Variants in KHDRBS2 observed in about 807,000 individuals in gnomAD.
KHDRBS2 encodes the protein KH RNA binding domain containing, signal transduction associated 2, also known as KH domain-containing, RNA-binding, signal transduction-associated protein 2.
A neutral mutation model predicts 44.3 loss-of-function variants in KHDRBS2; 26 were observed. The ratio of observed to expected loss-of-function variants is 0.59; its 90% CI spans 0.43 to 0.81. KHDRBS2 has a LOEUF of 0.81. Ranked by LOEUF, KHDRBS2 falls within the 40% of genes least tolerant of loss-of-function variation. The pLI is 0.00. For missense variants in KHDRBS2, 476 were observed against 433.1 expected, an observed-to-expected ratio of 1.10 and a Z score of -0.88; for synonymous variants, 194 against 151.1, an observed-to-expected ratio of 1.28 and a Z score of -2.08.
chr6:61,726,306 A>G (rs1385098574), intron 7 of KHDRBS2, among the ~76,000 whole-genome samples: 1 of 152,206 alleles, frequency 6.6e-6, no homozygotes, highest in Non-Finnish European at 1.5e-5. Context: ...ACAAACTCAC[A>G]GCTAATATCA....
chr6:62,081,803 T>C (rs1168909376), intron 2 of KHDRBS2, among the ~76,000 whole-genome samples: 1 of 152,084 alleles, frequency 6.6e-6, no homozygotes, highest in Non-Finnish European at 1.5e-5. Context: ...TTGTTAAAAT[T>C]TTTTAGATGT....
At chr6:61,959,060 T>C (rs1768047642) in intron 4 of KHDRBS2, among the ~76,000 whole-genome samples, 1 of 152,310 alleles carries the variant, frequency 6.6e-6, no homozygotes, top group South Asian at 2.1e-4. Flanking sequence ...TGTTTTTGTG[T>C]TTGCCTAGTT....
chr6:61,890,492 A>C (rs1298213287), intron 6 of KHDRBS2, among the ~76,000 whole-genome samples: 2 of 152,250 alleles, frequency 1.3e-5, no homozygotes, highest in Non-Finnish European at 2.9e-5. Context: ...TCTCTTTCAC[A>C]GTCCCAAACA....
At chr6:61,810,846 A>G (rs2127592589) in intron 6 of KHDRBS2, among the ~76,000 whole-genome samples, 1 of 152,274 alleles carries the variant, frequency 6.6e-6, no homozygotes, top group South Asian at 2.1e-4. Flanking sequence ...GGTACAAAGG[A>G]AAGGGAGATT....
At chr6:61,573,830 G>C in the KHDRBS2 span, among the ~76,000 whole-genome samples, 1 of 150,866 alleles carries the variant, frequency 6.6e-6, no homozygotes, top group Non-Finnish European at 1.5e-5. Context: ...AGCCTGCATA[G>C]CCAAAGCAAG....
intron 4 of KHDRBS2, 119 bp from the exon 5 acceptor site, chr6:61,901,490 T>C: frequency 1.3e-6 from 1 of 741,174 alleles, no homozygotes; most frequent in South Asian, 2.0e-5. Context: ...ATTTGTTTCC[T>C]GGAACTTTAT....
chr6:61,717,375 T>C (rs958773118), intron 7 of KHDRBS2, among the ~76,000 whole-genome samples: 1 of 152,026 alleles, frequency 6.6e-6, no homozygotes, highest in African/African-American at 2.4e-5. Flanking sequence ...ACAGTGTTTA[T>C]TGAGAGCTGA....
intron 3 of KHDRBS2, among the ~76,000 whole-genome samples, chr6:62,022,752 C>A (rs1265591219): frequency 6.6e-6 from 1 of 151,664 alleles, no homozygotes; most frequent in Admixed American, 6.6e-5. Flanking sequence ...TTTCTGAATT[C>A]TCATTTCATC....
At chr6:62,186,647 T>C (rs1428926445) in intron 1 of KHDRBS2, among the ~76,000 whole-genome samples, 1 of 151,858 alleles carries the variant, frequency 6.6e-6, no homozygotes, top group Non-Finnish European at 1.5e-5. Context: ...AAGAATAGGG[T>C]GTGGTATAAA....
At chr6:61,768,190 T>TGGACTTTTCAGTG (rs1161975415) in intron 6 of KHDRBS2, among the ~76,000 whole-genome samples, 2 of 152,164 alleles carry the variant, frequency 1.3e-5, no homozygotes, top group Admixed American at 1.3e-4. Context: ...AGGTTTCCAC[T>TGGACTTTTCAGTG]GAAAAGTCCA....
chr6:61,702,023 T>A (rs1699635804), intron 7 of KHDRBS2, among the ~76,000 whole-genome samples: 1 of 151,946 alleles, frequency 6.6e-6, no homozygotes, highest in African/African-American at 2.4e-5. Flanking sequence ...AAACTTAGAT[T>A]TTCTTTGTTG....
chr6:61,769,614 C>T (rs533155448), intron 6 of KHDRBS2, among the ~76,000 whole-genome samples: 21 of 141,240 alleles, frequency 1.5e-4, no homozygotes, highest in African/African-American at 2.9e-4. Flanking sequence ...AACTGCAAGG[C>T]GGCAGCGAGG....
At chr6:62,243,592 A>T (rs1036699885) in intron 1 of KHDRBS2, among the ~76,000 whole-genome samples, 1 of 140,560 alleles carries the variant, frequency 7.1e-6, no homozygotes, top group African/African-American at 3.1e-5. Flanking sequence ...AACATAATAC[A>T]TCATACCTAT....
chr6:61,744,042 A>T (rs1776537742), intron 6 of KHDRBS2, among the ~76,000 whole-genome samples: 1 of 151,990 alleles, frequency 6.6e-6, no homozygotes, highest in Non-Finnish European at 1.5e-5. Flanking sequence ...TTGGACATTT[A>T]GGTTGGATCC....
intron 2 of KHDRBS2, among the ~76,000 whole-genome samples, chr6:62,064,195 G>T (rs1213545102): frequency 3.3e-5 from 4 of 122,560 alleles, no homozygotes; most frequent in Admixed American, 9.2e-5. Flanking sequence ...TGTGAAAATG[G>T]CCATACTGCC....
At chr6:61,932,974 T>G (rs1810368721) in intron 4 of KHDRBS2, among the ~76,000 whole-genome samples, 1 of 152,194 alleles carries the variant, frequency 6.6e-6, no homozygotes, top group Non-Finnish European at 1.5e-5. Context: ...AACCCATTCA[T>G]CTATTGATAG....
chr6:61,712,580 A>C (rs1312255188), intron 7 of KHDRBS2, among the ~76,000 whole-genome samples: 3 of 151,884 alleles, frequency 2.0e-5, no homozygotes, highest in African/African-American at 7.2e-5. Context: ...AACTGGACAG[A>C]AACCAGTTTA....
chr6:61,902,300 G>C (rs1412493729), intron 4 of KHDRBS2, among the ~76,000 whole-genome samples: 2 of 152,200 alleles, frequency 1.3e-5, no homozygotes, highest in South Asian at 2.1e-4. Flanking sequence ...CCAGTATTAG[G>C]CTAAGGGAAA....
At chr6:61,842,934 T>C (rs937932461) in intron 6 of KHDRBS2, among the ~76,000 whole-genome samples, 1 of 151,842 alleles carries the variant, frequency 6.6e-6, no homozygotes. Flanking sequence ...ACTATCTGTA[T>C]AGATTACAGA....
Sources: allele counts gnomAD v4.1 joint callset (sites outside exome capture counted in the v4.1 genomes callset), GRCh38; gene constraint gnomAD v4.1.1; transcripts MANE v1.5; gene names NCBI Gene and HGNC (gene_info 2026-07-23, HGNC 2026-07-21).